Variants in TSPAN2 observed in about 807,000 individuals in gnomAD.
TSPAN2 encodes the protein tetraspanin 2.
A neutral mutation model predicts 33.3 loss-of-function variants in TSPAN2; 24 were observed. The ratio of observed to expected loss-of-function variants is 0.72; its 90% CI spans 0.52 to 1.01. The LOEUF (loss-of-function observed/expected upper bound fraction) is 1.01, where lower values mean the gene tolerates loss of function less well. TSPAN2 is among the 50% of genes least tolerant of loss of function. The pLI is 0.00. For synonymous variants in TSPAN2, 114 were observed against 104.5 expected, an observed-to-expected ratio of 1.09 and a Z score of -0.56; for missense variants, 278 against 281.3, an observed-to-expected ratio of 0.99 and a Z score of 0.08.
chr1:115,062,125 C>A lies in TSPAN2; in HGVS notation c.270+10G>T, dbSNP rs1207149910. The A allele has an allele frequency of 3.8e-6, 6 of 1,572,458 alleles. No homozygotes were observed. Among genetic ancestry groups the A allele is most frequent in the African/African-American group, 1.3e-5 (1 of 74,272 alleles). ...CCCCACCCCACCATTTACCCCCTCG[C>A]CCCACTTACTGATCCAAGCACACAT... On this transcript the variant is annotated intron_variant, in intron 3 of 7. Transcript: ENST00000369516.
chr1:115,061,717 G>C (rs1647732066), intron 3 of TSPAN2, among the ~76,000 whole-genome samples: 1 of 151,990 alleles, frequency 6.6e-6, no homozygotes, highest in African/African-American at 2.4e-5. Flanking sequence ...TGTCGCCCAG[G>C]TTGGAGTGCA....
At chr1:115,053,596 A>C (rs1647272986) in intron 6 of TSPAN2, 134 bp from the exon 7 acceptor site, 1 of 745,774 alleles carries the variant, frequency 1.3e-6, no homozygotes, top group Non-Finnish European at 2.2e-6. Flanking sequence ...TGTTTCAACA[A>C]TTCATCTTTG....
chr1:115,062,677 A>G (rs1227156597), intron 2 of TSPAN2, among the ~76,000 whole-genome samples: 1 of 152,178 alleles, frequency 6.6e-6, no homozygotes, highest in African/African-American at 2.4e-5. Context: ...ACAATATGGG[A>G]CTTGGCACTT....
chr1:115,061,030 G>A (rs1168787393), intron 3 of TSPAN2, among the ~76,000 whole-genome samples: 1 of 152,188 alleles, frequency 6.6e-6, no homozygotes, highest in Non-Finnish European at 1.5e-5. Flanking sequence ...GAGGAGATGA[G>A]GTGAGGGGTG....
At chr1:115,073,123 C>A in intron 1 of TSPAN2, 116 bp from the exon 2 acceptor site, 2 of 815,220 alleles carry the variant, frequency 2.5e-6, no homozygotes, top group East Asian at 2.6e-5. Context: ...ATCACTTAGA[C>A]CACCTTCCCA....
chr1:115,061,526 C>T (rs757051463), intron 3 of TSPAN2, among the ~76,000 whole-genome samples: 1 of 152,178 alleles, frequency 6.6e-6, no homozygotes, highest in African/African-American at 2.4e-5. Context: ...AGCTGCCTCA[C>T]CCACTGTGAA....
chr1:115,067,935 A>G (rs1010066557), intron 2 of TSPAN2, among the ~76,000 whole-genome samples: 5 of 152,208 alleles, frequency 3.3e-5, no homozygotes, highest in African/African-American at 7.2e-5. Context: ...AGGAAGTCAG[A>G]TGGGCAGGTT....
At chr1:115,085,820 C>T (rs1018384067) in intron 1 of TSPAN2, among the ~76,000 whole-genome samples, 4 of 152,112 alleles carry the variant, frequency 2.6e-5, no homozygotes, top group Non-Finnish European at 5.9e-5. Context: ...TTGCTGCCTC[C>T]ACCCCCACCC....
At chr1:115,089,141 C>T (rs1648957529) in intron 1 of TSPAN2, among the ~76,000 whole-genome samples, 1 of 152,156 alleles carries the variant, frequency 6.6e-6, no homozygotes, top group African/African-American at 2.4e-5. Context: ...CGGTGTCTCT[C>T]CCCTTCTCAC....
intron 2 of TSPAN2, among the ~76,000 whole-genome samples, chr1:115,070,844 A>G (rs2101037653): frequency 6.6e-6 from 1 of 152,316 alleles, no homozygotes; most frequent in East Asian, 1.9e-4. Flanking sequence ...TGTGAAGTCT[A>G]TGAGTCTTTT....
rs1675280702 is a variant in TSPAN2 at position 115,050,372 on chromosome 1, T to G, written c.*118A>C. ...CATACGTACTCATGCAAATGTACAA[T>G]TGACAGCAAATTATTTTAGATCCTA... On this transcript the variant is annotated 3_prime_UTR_variant, in exon 8 of 8. Transcript: ENST00000369516. The G allele has an allele frequency of 1.1e-6, 1 of 939,492 alleles. No individual in the cohort carries two copies. 58.2% of individuals were successfully genotyped at this position (939,492 alleles called of 1,614,324 possible).
rs535267715 is a variant in TSPAN2 at position 115,050,394 on chromosome 1, C to G, written c.*96G>C. 1.7e-4 allele frequency: 182 copies of G among 1,097,796 alleles called. No individual in the cohort carries two copies. The African/African-American group carries it at 2.4e-3, about 15-fold the overall frequency. The allele number at this position is 1,097,796 out of a possible 1,614,324, so 68.0% of individuals were successfully genotyped here. ...CAATTGACAGCAAATTATTTTAGAT[C>G]CTAATGTCATTTCAGTGTTAAAAAT... On this transcript the variant is annotated 3_prime_UTR_variant, in exon 8 of 8. Transcript: ENST00000369516.
In TSPAN2 at chr1:115,060,500, T is replaced by C; in HGVS notation, c.309A>G (p.Val103=). ...CTATAAAAGCAAATACTCCAGTGGTTACTTCAGCAGCAAATATCACCAGGA... is the reference window on the plus strand; with the variant it reads ...CTATAAAAGCAAATACTCCAGTGGTCACTTCAGCAGCAAATATCACCAGGA... ...TCLLVIFAAE[V]TTGVFAFIGK... The change falls in exon 4 of 8, where the codon GTA becomes GTG. Residue 103 remains valine, a synonymous_variant. Transcript: ENST00000369516. 1.2e-6 allele frequency: 2 copies of C among 1,613,760 alleles called. No homozygotes were observed. Among genetic ancestry groups the C allele is most frequent in the Non-Finnish European group, 1.7e-6 (2 of 1,179,798 alleles).
chr1:115,078,028 T>G (rs755336491), intron 1 of TSPAN2, among the ~76,000 whole-genome samples: 10 of 152,350 alleles, frequency 6.6e-5, no homozygotes, highest in Non-Finnish European at 1.3e-4. Context: ...CTAGACAGCA[T>G]GTGCACTGAT....
intron 1 of TSPAN2, among the ~76,000 whole-genome samples, chr1:115,086,956 T>C (rs1311647440): frequency 1.3e-5 from 2 of 152,050 alleles, no homozygotes; most frequent in African/African-American, 4.8e-5. Flanking sequence ...TCGCTCTTGT[T>C]GCCCAGGCTG....
intron 1 of TSPAN2, 51 bp downstream of exon 1, chr1:115,089,313 C>A: frequency 7.5e-7 from 1 of 1,330,480 alleles, no homozygotes; most frequent in Non-Finnish European, 1.0e-6. Context: ...CGGCCCCGCG[C>A]CCGCCACCCG....
intron 2 of TSPAN2, among the ~76,000 whole-genome samples, chr1:115,070,306 C>T (rs933591509): frequency 6.6e-6 from 1 of 150,604 alleles, no homozygotes; most frequent in Non-Finnish European, 1.5e-5. Context: ...TTTCTTTCTT[C>T]TTAATTCCTT....
intron 1 of TSPAN2, among the ~76,000 whole-genome samples, chr1:115,073,405 G>A (rs1002679579): frequency 5.3e-5 from 8 of 152,124 alleles, no homozygotes; most frequent in Non-Finnish European, 1.0e-4. Flanking sequence ...ACACCACAAC[G>A]AGAGGTGACT....
intron 1 of TSPAN2, among the ~76,000 whole-genome samples, chr1:115,086,395 G>A (rs768548185): frequency 6.6e-6 from 1 of 152,208 alleles, no homozygotes; most frequent in African/African-American, 2.4e-5. Context: ...CCCTTGCTCT[G>A]CTCCTCTGCT....
Sources: gnomAD v4.1 joint callset for allele counts (sites outside exome capture counted in the v4.1 genomes callset) on GRCh38, gnomAD v4.1.1 for gene constraint, MANE v1.5 for transcripts, NCBI Gene and HGNC (gene_info 2026-07-23, HGNC 2026-07-21) for gene names.